The following XKR4 variants were observed in gnomAD, a reference collection of about 807,000 sequenced individuals.
XKR4 encodes the protein XK related 4.
A neutral mutation model predicts 53.9 loss-of-function variants in XKR4; 12 were observed. That is an observed-to-expected ratio of 0.22 (90% CI 0.14 to 0.36). The LOEUF (loss-of-function observed/expected upper bound fraction) is 0.36. XKR4 is among the 10% of genes least tolerant of loss of function. XKR4 has a pLI of 1.00. For synonymous variants in XKR4, 354 were observed against 362.4 expected (o/e 0.98, Z 0.26); for missense variants, 799 against 859.5 (o/e 0.93, Z 0.88).
Position 55,400,185 on chromosome 8 carries a change from T to A in XKR4, c.1006+42308T>A, listed in dbSNP as rs150297223. On this transcript the variant is annotated intron_variant, in intron 2 of 2. Coordinates refer to ENST00000327381, the MANE Select transcript of XKR4 (RefSeq NM_052898.2). ...CACTTTCCAAATGACAGGTTTTAGA[T>A]CCTGAGGAAACTAACAGGGGTAGCA... is the stretch of plus-strand genomic sequence containing the variant. Among the ~76,000 whole-genome samples, 789 of 152,240 alleles carry A rather than the reference T, an allele frequency of 5.2e-3. 8 individuals are homozygous for A. Among genetic ancestry groups the A allele is most frequent in the African/African-American group, 0.018 (752 of 41,536 alleles).
intron 1 of XKR4, among the ~76,000 whole-genome samples, chr8:55,289,581 AAGAAAGAAAG>A (rs756754761): frequency 0.037 from 3,213 of 87,596 alleles, 64 homozygotes; most frequent in East Asian, 0.09. Context: ...GAGAGAAAGG[AAGAAAGAAAG>A]AGAAAGAAAG....
At chr8:55,109,839 C>T (rs1241445457) in intron 1 of XKR4, among the ~76,000 whole-genome samples, 4 of 152,204 alleles carry the variant, frequency 2.6e-5, no homozygotes, top group Non-Finnish European at 5.9e-5. Flanking sequence ...AAAGTCTTTG[C>T]TCAATCTCTT....
At chr8:55,124,066 G>T (rs543210566) in intron 1 of XKR4, among the ~76,000 whole-genome samples, 4 of 152,016 alleles carry the variant, frequency 2.6e-5, no homozygotes, top group Non-Finnish European at 5.9e-5. Context: ...CTTAAATGTG[G>T]CCCATACCCT....
chr8:55,443,609 C>T (rs988013689), intron 2 of XKR4, among the ~76,000 whole-genome samples: 17 of 146,126 alleles, frequency 1.2e-4, no homozygotes, highest in South Asian at 2.2e-4. Flanking sequence ...TTTGGGAGGC[C>T]GAGGCAGATG....
intron 1 of XKR4, among the ~76,000 whole-genome samples, chr8:55,298,417 A>C (rs1295302524): frequency 1.3e-5 from 2 of 152,170 alleles, no homozygotes; most frequent in African/African-American, 4.8e-5. Flanking sequence ...TGCAGGCTCT[A>C]CAAGCATGGC....
chr8:55,309,319 T>C (rs1819355424), intron 1 of XKR4, among the ~76,000 whole-genome samples: 1 of 152,224 alleles, frequency 6.6e-6, no homozygotes, highest in African/African-American at 2.4e-5. Context: ...AAAGATTACA[T>C]ACTATTTGAT....
At chr8:55,348,411 G>A (rs1803679885) in intron 1 of XKR4, among the ~76,000 whole-genome samples, 1 of 152,158 alleles carries the variant, frequency 6.6e-6, no homozygotes. Context: ...TGGCTCACAG[G>A]ATATCGTCTA....
intron 1 of XKR4, among the ~76,000 whole-genome samples, chr8:55,268,976 C>A (rs1488604892): frequency 6.6e-6 from 1 of 152,174 alleles, no homozygotes; most frequent in Non-Finnish European, 1.5e-5. Context: ...CCACCTTAAA[C>A]AGGATTCTGG....
At chr8:55,453,226 TG>T (rs150438620) in intron 2 of XKR4, 62,289 of 493,720 alleles carry the variant, frequency 0.13, 4,284 homozygotes, top group South Asian at 0.14. Context: ...CCAGGAAGGC[TG>T]TGACCAGAGG....
chr8:55,500,635 C>G (rs1806423160), intron 2 of XKR4, among the ~76,000 whole-genome samples: 1 of 152,176 alleles, frequency 6.6e-6, no homozygotes, highest in Admixed American at 6.5e-5. Context: ...CATCACTATT[C>G]CCTCTCATGG....
At chr8:55,477,517 A>G (rs1452888256) in intron 2 of XKR4, among the ~76,000 whole-genome samples, 1 of 152,210 alleles carries the variant, frequency 6.6e-6, no homozygotes, top group Non-Finnish European at 1.5e-5. Flanking sequence ...CTCCAAAGGA[A>G]TGCAGCTCCT....
intron 1 of XKR4, among the ~76,000 whole-genome samples, chr8:55,252,253 C>T (rs1294948996): frequency 6.6e-6 from 1 of 152,188 alleles, no homozygotes; most frequent in Admixed American, 6.5e-5. Context: ...TCTATGATGT[C>T]TTCATTTCAG....
At position 55,307,285 on chromosome 8, in the gene XKR4, C is replaced by A. The variant is rs1330001057; in HGVS notation, c.807-50393C>A. On this transcript the variant is annotated intron_variant, in intron 1 of 2. Coordinates refer to ENST00000327381, the MANE Select transcript of XKR4 (RefSeq NM_052898.2). ...CTAGAAGTTACAAAGAACTCCCAAA[C>A]TCAACAGTCAAAAAACAAACAACCT... is the stretch of plus-strand genomic sequence containing the variant. Among the ~76,000 whole-genome samples the A allele has an allele frequency of 1.7e-4, 26 of 152,096 alleles. 2 individuals are homozygous for A. Among genetic ancestry groups the A allele is most frequent in the Admixed American group, 1.7e-3 (26 of 15,268 alleles).
intron 2 of XKR4, among the ~76,000 whole-genome samples, chr8:55,494,888 G>A (rs73593499): frequency 0.055 from 8,302 of 152,162 alleles, 623 homozygotes; most frequent in East Asian, 0.28. Flanking sequence ...TGACTGCCCT[G>A]CCCCCAGGCT....
intron 2 of XKR4, among the ~76,000 whole-genome samples, chr8:55,362,102 A>G (rs1433062466): frequency 1.3e-5 from 2 of 152,162 alleles, no homozygotes; most frequent in Non-Finnish European, 2.9e-5. Context: ...GAGAGTACAC[A>G]CAAAGGATTC....
intron 1 of XKR4, among the ~76,000 whole-genome samples, chr8:55,262,510 G>A (rs1266125894): frequency 6.6e-6 from 1 of 152,226 alleles, no homozygotes; most frequent in Non-Finnish European, 1.5e-5. Context: ...CCAGTGATGG[G>A]ATTAGTGTCC....
At chr8:55,462,268 C>G (rs1363576850) in intron 2 of XKR4, among the ~76,000 whole-genome samples, 4 of 152,216 alleles carry the variant, frequency 2.6e-5, no homozygotes, top group Admixed American at 6.5e-5. Flanking sequence ...AGACTAACAG[C>G]TGATAGCTTG....
rs1803996012 is a variant in XKR4, at chr8:55,366,842, C to T, written c.1006+8965C>T. Among the ~76,000 whole-genome samples the T allele has an allele frequency of 1.3e-5, 2 of 152,144 alleles. 1 individual carries two copies. The highest frequency in any genetic ancestry group is 2.9e-5 in the Non-Finnish European group (2 of 68,032). On this transcript the variant is annotated intron_variant, in intron 2 of 2. Coordinates refer to ENST00000327381, the MANE Select transcript of XKR4 (RefSeq NM_052898.2). ...ATTCTGCATTATCAGTTTTTCCTCA[C>T]TCCTGCATCACTGCCATCATCACAC...
At chr8:55,159,686 A>G (rs1816958014) in intron 1 of XKR4, among the ~76,000 whole-genome samples, 2 of 152,320 alleles carry the variant, frequency 1.3e-5, no homozygotes, top group South Asian at 2.1e-4. Flanking sequence ...GCCAACCTGA[A>G]CATCAAAAAA....
Sources: allele counts gnomAD v4.1 joint callset (sites outside exome capture counted in the v4.1 genomes callset), GRCh38; gene constraint gnomAD v4.1.1; transcripts MANE v1.5; gene names NCBI Gene and HGNC (gene_info 2026-07-23, HGNC 2026-07-21).